Variants in MARVELD3 observed in about 807,000 individuals in gnomAD.
The protein encoded by MARVELD3 is MARVEL domain containing 3.
Under a neutral mutation model 33.5 loss-of-function variants are expected in MARVELD3, and 28 were observed. The observed-to-expected ratio is 0.84, with a 90% CI of 0.62 to 1.15. MARVELD3 has a LOEUF of 1.15. Ranked by LOEUF, MARVELD3 falls within the 50% of genes most tolerant of loss-of-function variation. MARVELD3 has a pLI of 0.00. For missense variants in MARVELD3, 582 were observed against 547.6 expected, an observed-to-expected ratio of 1.06 and a Z score of -0.63; for synonymous variants, 241 against 230.4, an observed-to-expected ratio of 1.05 and a Z score of -0.42.
At chr16:71,630,709 ATTT>A (rs1313775740) in intron 2 of MARVELD3, among the ~76,000 whole-genome samples, 2 of 151,970 alleles carry the variant, frequency 1.3e-5, no homozygotes, top group Non-Finnish European at 2.9e-5. Flanking sequence ...ACGTATATAC[ATTT>A]TTTACATTAA....
At chr16:71,627,044 G>T (rs2044480309) in intron 1 of MARVELD3, among the ~76,000 whole-genome samples, 1 of 152,216 alleles carries the variant, frequency 6.6e-6, no homozygotes, top group South Asian at 2.1e-4. Flanking sequence ...GGCCCGGCCC[G>T]CATGGTCACA....
Position 71,635,796 on chromosome 16 carries a change from C to T in MARVELD3, c.*993C>T. The stretch of plus-strand genomic sequence containing the variant: ...GGGTGGGGACTCTTGGGAAACTACT[C>T]CTGTAAAATTGAAGTTGGAGGTAGG... On this transcript the variant is annotated 3_prime_UTR_variant, in exon 3 of 3. Coordinates refer to ENST00000268485, the MANE Select transcript of MARVELD3 (RefSeq NM_052858.6). 1.0e-6 allele frequency: 1 copy of T among 985,316 alleles called. No individual in the cohort carries two copies. The allele number at this position is 985,316 out of a possible 1,614,324, so 61.0% of individuals were successfully genotyped here. A position where few individuals can be genotyped will look rare whatever the true frequency, so the allele number is the denominator to read the frequency against.
At chr16:71,632,938 C>A (rs2044547204) in intron 2 of MARVELD3, among the ~76,000 whole-genome samples, 1 of 151,908 alleles carries the variant, frequency 6.6e-6, no homozygotes, top group East Asian at 1.9e-4. Flanking sequence ...AATACACGAA[C>A]CACAGTTAAC....
chr16:71,627,025 C>A lies in MARVELD3; in HGVS notation c.467+329C>A, dbSNP rs557642420. Among the ~76,000 whole-genome samples the A allele has an allele frequency of 3.9e-5, 6 of 152,342 alleles. No individual in the cohort carries two copies. In the East Asian group the frequency reaches 1.2e-3, roughly 29 times the overall value. ...CCAGGCGGGTGGGGTTCACCCCAGG[C>A]TCCTCCCCGGCCCGGCCCGCATGGT... On this transcript the variant is annotated intron_variant, in intron 1 of 2. Transcript: ENST00000268485.
rs200818950 is a variant in MARVELD3 at position 71,629,397 on chromosome 16, G to T, written c.498G>T (p.Ser166=). The T allele has an allele frequency of 1.3e-6, 2 of 1,568,778 alleles. No homozygotes were observed. Among genetic ancestry groups the T allele is most frequent in the East Asian group, 2.5e-5 (1 of 40,532 alleles). ...CCCCTTCGGAGAGATATCTGCCCTC[G>T]ACCCCCAGGCCTGGACGAGAGGAGG... The part of the protein sequence containing the change: ...SEPPSERYLP[S]TPRPGREEVE... Residue 166 remains serine (S), a synonymous_variant, in exon 2 of 3, where the codon TCG becomes TCT. Transcript: ENST00000268485.
Position 71,626,789 on chromosome 16 carries a change from T to A in MARVELD3, c.467+93T>A. The A allele has an allele frequency of 9.3e-7, 1 of 1,079,148 alleles. No individual in the cohort carries two copies. Among genetic ancestry groups the A allele is most frequent in the Non-Finnish European group, 1.2e-6 (1 of 806,556 alleles). 66.8% of individuals were successfully genotyped at this position (1,079,148 alleles called of 1,614,324 possible). ...CCCTGGCGTCCCCGGGTTCTCGTCC[T>A]AGGAGCCCGTTTAAATGAACAAATG... On this transcript the variant is annotated intron_variant, in intron 1 of 2. Coordinates refer to ENST00000268485, the MANE Select transcript of MARVELD3 (RefSeq NM_052858.6). This position sits in a 1 kb window ranked among gnomAD's most constrained non-coding sequence, Gnocchi z 5.3.
At chr16:71,640,667 T>C (rs772018253), downstream of MARVELD3, 1 of 1,613,946 alleles carries the variant, frequency 6.2e-7, no homozygotes, top group East Asian at 2.2e-5. Context: ...GAGCCAAGAG[T>C]CGAACAATGT....
chr16:71,629,593 G>A (rs752061675), intron 2 of MARVELD3, 99 bp downstream of exon 2: 1 of 1,120,602 alleles, frequency 8.9e-7, no homozygotes, highest in Non-Finnish European at 1.2e-6. Context: ...AGATTCCCTT[G>A]TGGGTTCCTA....
In MARVELD3 at chr16:71,634,935, C is replaced by T. The variant is rs1371641563; in HGVS notation, c.*132C>T. ...AGCGAGCCAGCGTTGGTGTGGTGGGCGGAGCTCCCAGTCGCATGGAGCGGT... is the reference window on the plus strand; with the variant it reads ...AGCGAGCCAGCGTTGGTGTGGTGGGTGGAGCTCCCAGTCGCATGGAGCGGT... On this transcript the variant is annotated 3_prime_UTR_variant, in exon 3 of 3. Coordinates refer to ENST00000268485, the MANE Select transcript of MARVELD3 (RefSeq NM_052858.6). 4 of 1,453,086 alleles carry T rather than the reference C, an allele frequency of 2.8e-6. No homozygotes were observed. Among genetic ancestry groups the T allele is most frequent in the Non-Finnish European group, 3.6e-6 (4 of 1,106,276 alleles). The allele number at this position is 1,453,086 out of a possible 1,614,324, so 90.0% of individuals were successfully genotyped here. A position where few individuals can be genotyped will look rare whatever the true frequency, so the allele number is the denominator to read the frequency against.
downstream of MARVELD3, chr16:71,640,330 T>C (rs537215522): frequency 9.1e-5 from 143 of 1,574,522 alleles, no homozygotes; most frequent in African/African-American, 1.8e-3. Context: ...CTGTGGTATG[T>C]CTCTGGCTTG....
At chr16:71,631,007 G>T (rs1056510452) in intron 2 of MARVELD3, among the ~76,000 whole-genome samples, 1 of 152,158 alleles carries the variant, frequency 6.6e-6, no homozygotes, top group Non-Finnish European at 1.5e-5. Context: ...GATTTGGTGA[G>T]AAATAGTTCT....
chr16:71,637,885 T>A (rs747309261), downstream of MARVELD3: 1 of 152,208 alleles, frequency 6.6e-6, no homozygotes, highest in Non-Finnish European at 1.5e-5. Flanking sequence ...ACTTGCTTTT[T>A]TGTTGTTGTT....
downstream of MARVELD3, chr16:71,640,908 G>A (rs141358444): frequency 5.6e-6 from 9 of 1,613,954 alleles, no homozygotes; most frequent in African/African-American, 5.3e-5. Flanking sequence ...GATCATGTAC[G>A]GCGCCAGCGT....
chr16:71,640,334 T>C (rs556062850), downstream of MARVELD3: 29 of 1,580,082 alleles, frequency 1.8e-5, no homozygotes, highest in Admixed American at 1.9e-4. Context: ...GGTATGTCTC[T>C]GGCTTGGCCT....
downstream of MARVELD3, chr16:71,638,223 T>G (rs942295184): frequency 6.6e-6 from 1 of 152,276 alleles, no homozygotes; most frequent in Non-Finnish European, 1.5e-5. Context: ...TTCAGTCTGT[T>G]GGCCTGTTGG....
downstream of MARVELD3, chr16:71,640,439 C>T (rs766497408): frequency 3.1e-6 from 5 of 1,614,140 alleles, no homozygotes; most frequent in East Asian, 2.2e-5. Context: ...TTCTCATATG[C>T]ATCGTGGCCT....
At chr16:71,629,613 T>C (rs914512476) in intron 2 of MARVELD3, 119 bp downstream of exon 2, 140 of 868,224 alleles carry the variant, frequency 1.6e-4, no homozygotes, top group Admixed American at 6.4e-5. Context: ...AGCATTTTCA[T>C]TTCTGTACTT....
downstream of MARVELD3, chr16:71,640,870 C>A: frequency 6.2e-7 from 1 of 1,614,204 alleles, no homozygotes; most frequent in Non-Finnish European, 8.5e-7. Flanking sequence ...ACCGACGGAG[C>A]AGCAGCCACC....
At chr16:71,641,879 A>G (rs1015825497) in exon 3 of MARVELD3, 2 of 152,220 alleles carry the variant, frequency 1.3e-5, no homozygotes, top group African/African-American at 4.8e-5. Context: ...AAAGGTAGAT[A>G]GTAATCTCAT....
Sources: allele counts gnomAD v4.1 joint callset (sites outside exome capture counted in the v4.1 genomes callset), GRCh38; gene constraint gnomAD v4.1.1; non-coding constraint Gnocchi (gnomAD v3.1); transcripts MANE v1.5; gene names NCBI Gene and HGNC (gene_info 2026-07-23, HGNC 2026-07-21).